Variants in B2M observed in about 807,000 individuals in gnomAD.
B2M encodes the protein beta-2-microglobulin.
A neutral mutation model predicts 14.5 loss-of-function variants in B2M; 3 were observed. That is an observed-to-expected ratio of 0.21 (90% CI 0.09 to 0.53). The LOEUF (loss-of-function observed/expected upper bound fraction) is 0.53, where lower values mean the gene tolerates loss of function less well. B2M is among the 20% of genes least tolerant of loss of function. The pLI is 0.95. For synonymous variants in B2M, 45 were observed against 52.7 expected, an observed-to-expected ratio of 0.85 and a Z score of 0.64; for missense variants, 107 against 140.8, an observed-to-expected ratio of 0.76 and a Z score of 1.21.
Position 44,716,352 on chromosome 15 carries a change from T to C in B2M, c.*10T>C. 1 of 1,611,832 alleles carries C rather than the reference T, an allele frequency of 6.2e-7. No individual in the cohort carries two copies. Among genetic ancestry groups the C allele is most frequent in the Non-Finnish European group, 8.5e-7 (1 of 1,177,876 alleles). On this transcript the variant is annotated 3_prime_UTR_variant, in exon 3 of 4. Coordinates refer to ENST00000648006, the MANE Select transcript of B2M (RefSeq NM_004048.4). ...AGATCGAGACATGTAAGCAGCATCA[T>C]GGAGGTAAGTTTTTGACCTTGAGAA... is the stretch of plus-strand genomic sequence containing the variant.
chr15:44,714,202 C>T (rs774621764), intron 1 of B2M: 1 of 152,166 alleles, frequency 6.6e-6, no homozygotes, highest in South Asian at 2.1e-4. Flanking sequence ...CTAATTAAAA[C>T]GCAAATCCCA....
At chr15:44,716,006 T>G in intron 2 of B2M, 1 of 599,804 alleles carries the variant, frequency 1.7e-6, no homozygotes, top group South Asian at 2.0e-5. Context: ...ACCTACTGGC[T>G]TCCTCTAGCT....
chr15:44,716,984 C>T (rs1051919057), intron 3 of B2M: 2 of 152,570 alleles, frequency 1.3e-5, no homozygotes, highest in Non-Finnish European at 2.9e-5. Flanking sequence ...ATTCTACTGC[C>T]CAGGGTACAT....
chr15:44,711,609 C>A lies in B2M; in HGVS notation c.63C>A (p.Ile21=), dbSNP rs572886094. ...ALLSLSGLEA[I]QRTPKIQVYS... is the part of the protein sequence containing the mutation. ...TCTCTCTTTCTGGCCTGGAGGCTAT[C>A]CAGCGTGAGTCTCTCCTACCCTCCC... The change falls in exon 1 of 4, where the codon ATC becomes ATA. Residue 21 remains isoleucine, a synonymous_variant. Coordinates refer to ENST00000648006, the MANE Select transcript of B2M (RefSeq NM_004048.4). 1 of 1,613,610 alleles carries A rather than the reference C, an allele frequency of 6.2e-7. No homozygotes were observed. The highest frequency in any genetic ancestry group is 1.1e-5 in the South Asian group (1 of 91,082).
chr15:44,712,435 C>T (rs2086888002), intron 1 of B2M, among the ~76,000 whole-genome samples: 1 of 152,226 alleles, frequency 6.6e-6, no homozygotes, highest in African/African-American at 2.4e-5. Context: ...GAAACTAAGG[C>T]ACCGAGATTT....
chr15:44,711,607 A>C lies in B2M; in HGVS notation c.61A>C (p.Ile21Leu), dbSNP rs757230673. The C allele has an allele frequency of 4.3e-6, 7 of 1,613,474 alleles. No individual in the cohort carries two copies. The African/African-American group carries it at 8.0e-5, about 18-fold the overall frequency. The change falls in exon 1 of 4, where the codon ATC (isoleucine) becomes CTC (leucine). Residue 21 changes from isoleucine to leucine, a missense_variant. Transcript: ENST00000648006. ...ALLSLSGLEAIQRTPKIQVYS... is the reference protein window; with the variant it reads ...ALLSLSGLEALQRTPKIQVYS... ...ACTCTCTCTTTCTGGCCTGGAGGCTATCCAGCGTGAGTCTCTCCTACCCTC... is the reference window on the plus strand; with the variant it reads ...ACTCTCTCTTTCTGGCCTGGAGGCTCTCCAGCGTGAGTCTCTCCTACCCTC...
intron 1 of B2M, chr15:44,711,905 T>C (rs1445254379): frequency 1.1e-5 from 6 of 570,334 alleles, no homozygotes; most frequent in African/African-American, 1.9e-5. Context: ...TCGATAAGCG[T>C]CAGAGCGCCG....
chr15:44,716,113 C>T (rs1487528385), intron 2 of B2M: 3 of 626,832 alleles, frequency 4.8e-6, no homozygotes, highest in African/African-American at 3.7e-5. Flanking sequence ...TCCTATAATC[C>T]TGGACTTCTC....
At chr15:44,711,811 C>A (rs1000996352) in intron 1 of B2M, 198 bp downstream of exon 1, 3 of 733,098 alleles carry the variant, frequency 4.1e-6, no homozygotes, top group South Asian at 3.0e-5. Context: ...GCACCCGGGA[C>A]GCGCGCTACT....
intron 1 of B2M, among the ~76,000 whole-genome samples, chr15:44,712,550 A>T (rs1015867761): frequency 6.6e-6 from 1 of 151,628 alleles, no homozygotes; most frequent in Non-Finnish European, 1.5e-5. Flanking sequence ...TAATTCGTGC[A>T]TTTTTTTTTA....
At chr15:44,713,882 G>C (rs1392986089) in intron 1 of B2M, 1 of 152,156 alleles carries the variant, frequency 6.6e-6, no homozygotes, top group Non-Finnish European at 1.5e-5. Flanking sequence ...TCTGGTCAAG[G>C]TGGCCTGGTA....
At chr15:44,713,154 A>G (rs1390468453) in intron 1 of B2M, 2 of 152,230 alleles carry the variant, frequency 1.3e-5, no homozygotes, top group Non-Finnish European at 2.9e-5. Context: ...AGTACCTGGC[A>G]ATACACTAAG....
chr15:44,711,685 T>C lies in B2M; in HGVS notation c.67+72T>C, dbSNP rs563953970. 3.3e-6 allele frequency: 5 copies of C among 1,526,396 alleles called. No individual in the cohort carries two copies. The African/African-American group carries it at 5.5e-5, about 17-fold the overall frequency. 94.6% of individuals were successfully genotyped at this position (1,526,396 alleles called of 1,614,324 possible). On this transcript the variant is annotated intron_variant, in intron 1 of 3. Transcript: ENST00000648006. ...GCACCCTCTGTGGCCCTCGCTGTGCTCTCTCGCTCCGTGACTTCCCTTCTC... is the reference window on the plus strand; with the variant it reads ...GCACCCTCTGTGGCCCTCGCTGTGCCCTCTCGCTCCGTGACTTCCCTTCTC...
At position 44,717,814 on chromosome 15, in the gene B2M, G is replaced by C. The variant is rs7151; in HGVS notation, c.*222G>C. The stretch of plus-strand genomic sequence containing the variant: ...CAGGTTGCTCCACAGGTAGCTCTAG[G>C]AGGGCTGGCAACTTAGAGGTGGGGA... On this transcript the variant is annotated 3_prime_UTR_variant, in exon 4 of 4. Coordinates refer to ENST00000648006, the MANE Select transcript of B2M (RefSeq NM_004048.4). 12,676 of 152,206 alleles carry C rather than the reference G, an allele frequency of 0.083. 717 individuals are homozygous for C. The highest frequency in any genetic ancestry group is 0.16 in the East Asian group (841 of 5,180). The allele number at this position is 152,206 out of a possible 1,614,324, so 9.4% of individuals were successfully genotyped here.
At chr15:44,716,103 T>G (rs112879855) in intron 2 of B2M, 47 of 618,546 alleles carry the variant, frequency 7.6e-5, no homozygotes, top group African/African-American at 6.1e-4. Context: ...TGTCCTAGCA[T>G]CCTATAATCC....
At chr15:44,714,833 T>A (rs2086923586) in intron 1 of B2M, 1 of 164,446 alleles carries the variant, frequency 6.1e-6, no homozygotes. Context: ...GAGCAATTGC[T>A]ATGTCCCAGG....
chr15:44,712,498 A>G (rs769755478), intron 1 of B2M, among the ~76,000 whole-genome samples: 2 of 152,224 alleles, frequency 1.3e-5, no homozygotes, highest in East Asian at 3.9e-4. Context: ...ATTGAAGTCA[A>G]GCCTAACCAG....
intron 3 of B2M, 143 bp downstream of exon 3, chr15:44,716,499 A>G: frequency 1.1e-6 from 1 of 921,668 alleles, no homozygotes; most frequent in South Asian, 1.4e-5. Flanking sequence ...CTACAGGGTC[A>G]TGTTCCCTTC....
chr15:44,712,607 C>G (rs1222321049), intron 1 of B2M, among the ~76,000 whole-genome samples: 1 of 152,234 alleles, frequency 6.6e-6, no homozygotes, highest in East Asian at 1.9e-4. Flanking sequence ...GCAAACTGGG[C>G]GGCATGGGCC....
Sources: gnomAD v4.1 joint callset for allele counts (sites outside exome capture counted in the v4.1 genomes callset) on GRCh38, gnomAD v4.1.1 for gene constraint, MANE v1.5 for transcripts, NCBI Gene and HGNC (gene_info 2026-07-23, HGNC 2026-07-21) for gene names.